Variants in GRM5 observed in about 807,000 individuals in gnomAD.
GRM5 encodes the protein glutamate metabotropic receptor 5, also known as metabotropic glutamate receptor 5.
A neutral mutation model predicts 83.1 loss-of-function variants in GRM5; 19 were observed. That is an observed-to-expected ratio of 0.23 (90% CI 0.16 to 0.34). GRM5 has a LOEUF of 0.34. Ranked by LOEUF, GRM5 falls within the 10% of genes least tolerant of loss-of-function variation. The pLI is 1.00. For synonymous variants in GRM5, 675 were observed against 633.6 expected (o/e 1.07, Z -0.98); for missense variants, 1,160 against 1,588.3 (o/e 0.73, Z 4.58).
chr11:88,874,540 T>C (rs539400455), intron 2 of GRM5, among the ~76,000 whole-genome samples: 1 of 151,884 alleles, frequency 6.6e-6, no homozygotes, highest in South Asian at 2.1e-4. Context: ...CAAAGGTTTT[T>C]GCAATAAAAC....
intron 4 of GRM5, among the ~76,000 whole-genome samples, chr11:88,624,130 C>CATT: frequency 6.6e-6 from 1 of 152,170 alleles, no homozygotes. Flanking sequence ...AAGAGAATTA[C>CATT]ATTATTCAAC....
chr11:88,580,007 T>C (rs1289081184), intron 7 of GRM5, among the ~76,000 whole-genome samples: 4 of 152,114 alleles, frequency 2.6e-5, no homozygotes, highest in Non-Finnish European at 5.9e-5. Context: ...ATATGAAGGA[T>C]TAGCCAATGG....
At chr11:88,990,542 T>A (rs1467126449) in intron 2 of GRM5, among the ~76,000 whole-genome samples, 10 of 151,074 alleles carry the variant, frequency 6.6e-5, no homozygotes, top group East Asian at 1.9e-4. Context: ...TACCAAAGCC[T>A]GGCAGAGACA....
intron 8 of GRM5, among the ~76,000 whole-genome samples, chr11:88,526,190 C>T (rs1325874993): frequency 5.3e-5 from 8 of 152,152 alleles, no homozygotes; most frequent in South Asian, 4.2e-4. Context: ...GGCAGTTCAC[C>T]GCGCTTTGAA....
chr11:88,824,783 G>A (rs115423446), intron 3 of GRM5, among the ~76,000 whole-genome samples: 1 of 152,078 alleles, frequency 6.6e-6, no homozygotes, highest in Non-Finnish European at 1.5e-5. Context: ...TGGCGGTTGG[G>A]GACCCCTGCT....
At chr11:88,682,050 G>A (rs1940509373) in intron 3 of GRM5, among the ~76,000 whole-genome samples, 1 of 152,114 alleles carries the variant, frequency 6.6e-6, no homozygotes. Flanking sequence ...AATACTTGTA[G>A]TACAATTTAA....
intron 3 of GRM5, among the ~76,000 whole-genome samples, chr11:88,790,188 T>C (rs1408858638): frequency 6.6e-6 from 1 of 152,186 alleles, no homozygotes; most frequent in Non-Finnish European, 1.5e-5. Flanking sequence ...CTAAGAATTC[T>C]CCCATATCCT....
chr11:88,779,656 C>T (rs943784651), intron 3 of GRM5, among the ~76,000 whole-genome samples: 5 of 152,146 alleles, frequency 3.3e-5, no homozygotes, highest in Admixed American at 2.6e-4. Flanking sequence ...CAGAGCTATA[C>T]AGGAGATTCA....
chr11:88,911,759 G>A (rs1159913381), intron 2 of GRM5, among the ~76,000 whole-genome samples: 1 of 152,056 alleles, frequency 6.6e-6, no homozygotes, highest in African/African-American at 2.4e-5. Context: ...TTGGAGATGA[G>A]GGGGAAGTAA....
At chr11:88,602,454 T>C (rs1383847640) in intron 5 of GRM5, among the ~76,000 whole-genome samples, 3 of 152,178 alleles carry the variant, frequency 2.0e-5, no homozygotes, top group African/African-American at 7.2e-5. Flanking sequence ...CTCTCTCAGC[T>C]TCCTCTGTTT....
intron 7 of GRM5, among the ~76,000 whole-genome samples, chr11:88,579,844 G>T (rs929314186): frequency 6.6e-6 from 1 of 152,192 alleles, no homozygotes; most frequent in Non-Finnish European, 1.5e-5. Flanking sequence ...TTTGTAAAAA[G>T]ATATCTCTGC....
At chr11:88,670,921 A>G (rs1371597814) in intron 3 of GRM5, among the ~76,000 whole-genome samples, 2 of 152,066 alleles carry the variant, frequency 1.3e-5, no homozygotes, top group Non-Finnish European at 1.5e-5. Flanking sequence ...ATAAGCATAC[A>G]ATATAACCCA....
intron 2 of GRM5, among the ~76,000 whole-genome samples, chr11:89,038,506 A>G (rs1284265358): frequency 2.0e-5 from 3 of 152,300 alleles, no homozygotes; most frequent in African/African-American, 4.8e-5. Flanking sequence ...ATGGAGATGT[A>G]AATAGAAATA....
intron 2 of GRM5, among the ~76,000 whole-genome samples, chr11:88,863,941 C>A (rs1355276113): frequency 6.6e-6 from 1 of 151,498 alleles, no homozygotes; most frequent in Non-Finnish European, 1.5e-5. Flanking sequence ...ACTGACTTAA[C>A]TGGCTATAAT....
chr11:88,641,512 A>G (rs897713211), intron 4 of GRM5, among the ~76,000 whole-genome samples: 3 of 152,146 alleles, frequency 2.0e-5, no homozygotes, highest in Non-Finnish European at 4.4e-5. Flanking sequence ...CCCAAGTCCA[A>G]TACCTCATCT....
intron 3 of GRM5, among the ~76,000 whole-genome samples, chr11:88,727,032 C>CAT (rs1408734211): frequency 6.6e-6 from 1 of 152,162 alleles, no homozygotes; most frequent in African/African-American, 2.4e-5. Context: ...TAAGTTCACA[C>CAT]ATAACAATAT....
chr11:88,597,889 T>C (rs1329509269), intron 5 of GRM5, among the ~76,000 whole-genome samples: 1 of 152,100 alleles, frequency 6.6e-6, no homozygotes, highest in Non-Finnish European at 1.5e-5. Context: ...AGTTTGAAAA[T>C]AGCTTCTAAA....
At chr11:88,885,203 T>C (rs931182456) in intron 2 of GRM5, among the ~76,000 whole-genome samples, 2 of 151,866 alleles carry the variant, frequency 1.3e-5, no homozygotes, top group African/African-American at 4.8e-5. Context: ...ATTGTTATGT[T>C]TTAGATCTTC....
intron 2 of GRM5, among the ~76,000 whole-genome samples, chr11:88,962,885 T>C (rs1367801023): frequency 6.6e-6 from 1 of 152,184 alleles, no homozygotes; most frequent in African/African-American, 2.4e-5. Flanking sequence ...GGTCAAGAGA[T>C]AGACACCATC....
Sources: allele counts gnomAD v4.1 joint callset (sites outside exome capture counted in the v4.1 genomes callset), GRCh38; gene constraint gnomAD v4.1.1; transcripts MANE v1.5; gene names NCBI Gene and HGNC (gene_info 2026-07-23, HGNC 2026-07-21).